KIRREL3: variants seen among roughly 807,000 people sequenced by gnomAD.
The protein encoded by KIRREL3 is kirre like nephrin family adhesion molecule 3.
Under a neutral mutation model 89.7 loss-of-function variants are expected in KIRREL3, and 36 were observed. That is an observed-to-expected ratio of 0.40 (90% CI 0.31 to 0.53). The LOEUF (loss-of-function observed/expected upper bound fraction) is 0.53. Ranked by LOEUF, KIRREL3 falls within the 20% of genes least tolerant of loss-of-function variation. The pLI, the probability that KIRREL3 is intolerant of heterozygous loss-of-function variation, is 0.49. For missense variants in KIRREL3, 864 were observed against 1,056.6 expected (o/e 0.82, Z 2.53); for synonymous variants, 445 against 441.4 (o/e 1.01, Z -0.10).
intron 1 of KIRREL3, among the ~76,000 whole-genome samples, chr11:126,593,882 C>T (rs913143912): frequency 6.6e-6 from 1 of 152,120 alleles, no homozygotes; most frequent in Non-Finnish European, 1.5e-5. Context: ...GCCATCACTG[C>T]GAGACTCAGG....
At position 126,796,977 on chromosome 11, in the gene KIRREL3, G is replaced by A. The variant is rs1208367282; in HGVS notation, c.55+203478C>T. 6.6e-6 allele frequency among the ~76,000 whole-genome samples: 1 copy of A among 152,136 alleles called. No homozygotes were observed. Among genetic ancestry groups the A allele is most frequent in the African/African-American group, 2.4e-5 (1 of 41,446 alleles). Reference sequence around the variant, plus strand: ...AAGTGGGGAAGGGACCAGGGAGAATGTTTCTGGGGTGGAGGTCATATCAGG... The same window carrying A: ...AAGTGGGGAAGGGACCAGGGAGAATATTTCTGGGGTGGAGGTCATATCAGG... On this transcript the variant is annotated intron_variant, in intron 1 of 16. Coordinates refer to ENST00000525144, the MANE Select transcript of KIRREL3 (RefSeq NM_032531.4). This position sits in a 1 kb window ranked among gnomAD's most constrained non-coding sequence, Gnocchi z 5.1.
chr11:126,710,103 G>C lies in KIRREL3; in HGVS notation c.56-147191C>G, dbSNP rs141488515. 3.3e-3 allele frequency among the ~76,000 whole-genome samples: 498 copies of C among 152,286 alleles called. 1 individual carries two copies. The highest frequency in any genetic ancestry group is 0.011 in the African/African-American group (452 of 41,560). On this transcript the variant is annotated intron_variant, in intron 1 of 16. Coordinates refer to ENST00000525144, the MANE Select transcript of KIRREL3 (RefSeq NM_032531.4). The surrounding 1 kb of genome is among the most constrained non-coding windows in gnomAD (Gnocchi z 4.2). Reference sequence around the variant, plus strand: ...ATAATGAGTATCAAGTCTGGCATTGGAATCCCAATCTCCTCCTCACTAAGC... The same window carrying C: ...ATAATGAGTATCAAGTCTGGCATTGCAATCCCAATCTCCTCCTCACTAAGC...
At chr11:126,952,581 T>C (rs1356624388) in intron 1 of KIRREL3, among the ~76,000 whole-genome samples, 1 of 152,220 alleles carries the variant, frequency 6.6e-6, no homozygotes, top group East Asian at 1.9e-4. Context: ...AGCTCTTAAC[T>C]TTAATTTGTC....
intron 1 of KIRREL3, among the ~76,000 whole-genome samples, chr11:126,980,544 C>A (rs898104610): frequency 6.6e-6 from 1 of 151,886 alleles, no homozygotes; most frequent in Non-Finnish European, 1.5e-5. Flanking sequence ...GAAAAAAAAT[C>A]GAGGAACTTG....
chr11:126,996,159 G>A lies in KIRREL3; in HGVS notation c.55+4296C>T, dbSNP rs962023219. 1.3e-5 allele frequency among the ~76,000 whole-genome samples: 2 copies of A among 152,222 alleles called. No homozygotes were observed. The highest frequency in any genetic ancestry group is 2.4e-5 in the African/African-American group (1 of 41,542). The stretch of plus-strand genomic sequence containing the variant: ...CAGACATGCCCCAGTTTCCCCACCC[G>A]AAGATTTGTTAAAGAAGTGGTCCCA... On this transcript the variant is annotated intron_variant, in intron 1 of 16. Coordinates refer to ENST00000525144, the MANE Select transcript of KIRREL3 (RefSeq NM_032531.4). The surrounding 1 kb of genome is among the most constrained non-coding windows in gnomAD (Gnocchi z 4.7).
intron 4 of KIRREL3, among the ~76,000 whole-genome samples, chr11:126,500,478 G>A (rs1957820525): frequency 6.6e-6 from 1 of 152,192 alleles, no homozygotes; most frequent in Non-Finnish European, 1.5e-5. Context: ...AGTGGCTCAT[G>A]CCTGTAATCC....
Position 126,715,877 on chromosome 11 carries a change from G to T in KIRREL3, c.56-152965C>A, listed in dbSNP as rs143358081. ...CTTGGTGCTCCTCTGAAGAATGCAA[G>T]AGCAATCTGCAGTGTTATTGACTAG... is the stretch of plus-strand genomic sequence containing the variant. On this transcript the variant is annotated intron_variant, in intron 1 of 16. Coordinates refer to ENST00000525144, the MANE Select transcript of KIRREL3 (RefSeq NM_032531.4). The surrounding 1 kb of genome is among the most constrained non-coding windows in gnomAD (Gnocchi z 4.4). Among the ~76,000 whole-genome samples the T allele has an allele frequency of 6.6e-6, 1 of 152,148 alleles. No individual in the cohort carries two copies. Among genetic ancestry groups the T allele is most frequent in the Non-Finnish European group, 1.5e-5 (1 of 68,038 alleles).
intron 15 of KIRREL3, among the ~76,000 whole-genome samples, chr11:126,426,719 A>G (rs1954951603): frequency 6.6e-6 from 1 of 151,704 alleles, no homozygotes; most frequent in South Asian, 2.1e-4. Context: ...GTTCCCTCCT[A>G]CTCTCTGGGC....
In KIRREL3 at chr11:126,531,380, TG is replaced by T. The variant is rs1447215186; in HGVS notation, c.134-4694del. Among the ~76,000 whole-genome samples, 1 of 152,244 alleles carries T rather than the reference TG, an allele frequency of 6.6e-6. No homozygotes were observed. Among genetic ancestry groups the T allele is most frequent in the Non-Finnish European group, 1.5e-5 (1 of 68,042 alleles). On this transcript the variant is annotated intron_variant, in intron 2 of 16. Transcript: ENST00000525144. This position sits in a 1 kb window ranked among gnomAD's most constrained non-coding sequence, Gnocchi z 4.7. ...CTCTTTTAAGGGGTGGGACCTCTCA[TG>T]GCTCTCCACTCTCTGCGGGACAACG...
At chr11:126,858,062 C>G (rs1237896291) in intron 1 of KIRREL3, among the ~76,000 whole-genome samples, 1 of 152,180 alleles carries the variant, frequency 6.6e-6, no homozygotes, top group Admixed American at 6.5e-5. Context: ...TGAACTGCCT[C>G]GCCAAATGTG....
At position 126,558,254 on chromosome 11, in the gene KIRREL3, G is replaced by C. The variant is rs1437199522; in HGVS notation, c.133+4581C>G. ...CCCCTTCTCAAGAGTCCTGTGGCCT[G>C]CCAGCTTTTCTGGTCCCCCAGGAAT... is the stretch of plus-strand genomic sequence containing the variant. On this transcript the variant is annotated intron_variant, in intron 2 of 16. Transcript: ENST00000525144. This position sits in a 1 kb window ranked among gnomAD's most constrained non-coding sequence, Gnocchi z 4.0. Among the ~76,000 whole-genome samples, 1 of 152,172 alleles carries C rather than the reference G, an allele frequency of 6.6e-6. No individual in the cohort carries two copies. The highest frequency in any genetic ancestry group is 2.4e-5 in the African/African-American group (1 of 41,454).
intron 1 of KIRREL3, among the ~76,000 whole-genome samples, chr11:126,714,435 G>A (rs1947879389): frequency 6.6e-6 from 1 of 152,226 alleles, no homozygotes; most frequent in Non-Finnish European, 1.5e-5. Flanking sequence ...CTGTGCTAAT[G>A]CCTGCGATTC....
Position 126,527,138 on chromosome 11 carries a change from G to A in KIRREL3, c.134-451C>T, listed in dbSNP as rs1958788586. ...AAGAAGGGGGTCGATGGAGAGTGGT[G>A]CGGCTTTGGTTAAACCTGAGAATTC... On this transcript the variant is annotated intron_variant, in intron 2 of 16. Coordinates refer to ENST00000525144, the MANE Select transcript of KIRREL3 (RefSeq NM_032531.4). This position sits in a 1 kb window ranked among gnomAD's most constrained non-coding sequence, Gnocchi z 4.2. 6.6e-6 allele frequency among the ~76,000 whole-genome samples: 1 copy of A among 152,210 alleles called. No individual in the cohort carries two copies. Among genetic ancestry groups the A allele is most frequent in the Non-Finnish European group, 1.5e-5 (1 of 68,040 alleles).
intron 1 of KIRREL3, among the ~76,000 whole-genome samples, chr11:126,966,482 A>C (rs546081576): frequency 1.3e-5 from 2 of 152,114 alleles, no homozygotes; most frequent in South Asian, 4.1e-4. Flanking sequence ...TATATTTTAC[A>C]TCATGGTATC....
intron 1 of KIRREL3, among the ~76,000 whole-genome samples, chr11:126,868,036 A>G (rs1031115797): frequency 8.3e-6 from 1 of 121,030 alleles, no homozygotes; most frequent in Non-Finnish European, 1.6e-5. Context: ...ATGTCTGAGT[A>G]ATACAGCTCT....
chr11:126,636,095 T>C lies in KIRREL3; in HGVS notation c.56-73183A>G, dbSNP rs1377733267. Among the ~76,000 whole-genome samples the C allele has an allele frequency of 1.3e-5, 2 of 152,214 alleles. No homozygotes were observed. Among genetic ancestry groups the C allele is most frequent in the African/African-American group, 4.8e-5 (2 of 41,458 alleles). On this transcript the variant is annotated intron_variant, in intron 1 of 16. Transcript: ENST00000525144. The surrounding 1 kb of genome is among the most constrained non-coding windows in gnomAD (Gnocchi z 4.4). ...GCTACCTCACAACTCTGCCACTTAC[T>C]ATTTTTAGGACCTTGGGGAAGTCAT...
At chr11:126,757,287 T>C (rs190587911) in intron 1 of KIRREL3, among the ~76,000 whole-genome samples, 3 of 150,540 alleles carry the variant, frequency 2.0e-5, no homozygotes, top group Non-Finnish European at 3.0e-5. Flanking sequence ...ACAAAGGGAA[T>C]TGGAAAAAGA....
Position 126,685,200 on chromosome 11 carries a change from C to A in KIRREL3, c.56-122288G>T, listed in dbSNP as rs1161739415. Reference sequence around the variant, plus strand: ...AGGTGTGCTCAAGATGTGCTGAGAGCAGAGGATAGCCCCAGCTCTGCTCTG... The same window carrying A: ...AGGTGTGCTCAAGATGTGCTGAGAGAAGAGGATAGCCCCAGCTCTGCTCTG... On this transcript the variant is annotated intron_variant, in intron 1 of 16. Coordinates refer to ENST00000525144, the MANE Select transcript of KIRREL3 (RefSeq NM_032531.4). This position sits in a 1 kb window ranked among gnomAD's most constrained non-coding sequence, Gnocchi z 5.5. 6.6e-6 allele frequency among the ~76,000 whole-genome samples: 1 copy of A among 152,196 alleles called. No homozygotes were observed. The highest frequency in any genetic ancestry group is 6.5e-5 in the Admixed American group (1 of 15,282).
chr11:126,747,568 G>A lies in KIRREL3; in HGVS notation c.56-184656C>T, dbSNP rs992033884. On this transcript the variant is annotated intron_variant, in intron 1 of 16. Transcript: ENST00000525144. The surrounding 1 kb of genome is among the most constrained non-coding windows in gnomAD (Gnocchi z 4.7). ...CTGCAAAGCAGTGCTCTCTGTGGTC[G>A]TGGCTGTGCTCACAGAAAAGGCACT... Among the ~76,000 whole-genome samples, 7 of 152,044 alleles carry A rather than the reference G, an allele frequency of 4.6e-5. No individual in the cohort carries two copies. The highest frequency in any genetic ancestry group is 7.4e-5 in the Non-Finnish European group (5 of 68,014).
Sources: allele counts gnomAD v4.1 joint callset (sites outside exome capture counted in the v4.1 genomes callset), GRCh38; gene constraint gnomAD v4.1.1; non-coding constraint Gnocchi (gnomAD v3.1); transcripts MANE v1.5; gene names NCBI Gene and HGNC (gene_info 2026-07-23, HGNC 2026-07-21).